The following HDGFL3 variants were observed in gnomAD, a reference collection of about 807,000 sequenced individuals.
HDGFL3 encodes the protein hepatoma-derived growth factor-related protein 3.
Under a neutral mutation model 27.6 loss-of-function variants are expected in HDGFL3, and 6 were observed. The observed-to-expected ratio is 0.22, with a 90% CI of 0.12 to 0.43. The LOEUF (loss-of-function observed/expected upper bound fraction) is 0.43, where lower values mean the gene tolerates loss of function less well. HDGFL3 is among the 20% of genes least tolerant of loss of function. The pLI is 1.00. For synonymous variants in HDGFL3, 88 were observed against 88.9 expected (o/e 0.99, Z 0.05); for missense variants, 207 against 250.1 (o/e 0.83, Z 1.16).
At position 83,133,583 on chromosome 15, in the gene HDGFL3, T is replaced by A. The variant is rs2036405234; in HGVS notation, c.*5687A>T. 1 of 152,224 alleles carries A rather than the reference T, an allele frequency of 6.6e-6. No homozygotes were observed. Among genetic ancestry groups the A allele is most frequent in the African/African-American group, 2.4e-5 (1 of 41,456 alleles). The allele number at this position is 152,224 out of a possible 1,614,324, so 9.4% of individuals were successfully genotyped here. On this transcript the variant is annotated 3_prime_UTR_variant, in exon 6 of 6. Coordinates refer to ENST00000299633, the MANE Select transcript of HDGFL3 (RefSeq NM_016073.4). ...AGGGACTCAACCTCACATTGCTAAATTCTGGAGAAATTTCTAGGATCAACA... is the reference window on the plus strand; with the variant it reads ...AGGGACTCAACCTCACATTGCTAAAATCTGGAGAAATTTCTAGGATCAACA...
intron 3 of HDGFL3, 129 bp downstream of exon 3, chr15:83,157,774 G>T: frequency 1.0e-6 from 1 of 986,530 alleles, no homozygotes; most frequent in Non-Finnish European, 1.6e-6. Context: ...AATCCAAAAT[G>T]CTACTGGAGT....
chr15:83,187,620 G>A (rs2037460797), intron 1 of HDGFL3, among the ~76,000 whole-genome samples: 3 of 152,140 alleles, frequency 2.0e-5, no homozygotes, highest in Admixed American at 1.3e-4. Flanking sequence ...CGGGCGTGGT[G>A]GCTCACGCCT....
rs568073157 is a variant in HDGFL3 at position 83,133,427 on chromosome 15, T to C, written c.*5843A>G. On this transcript the variant is annotated 3_prime_UTR_variant, in exon 6 of 6. Transcript: ENST00000299633. ...ACATGTAAGAAAACAGCTCTTAAAA[T>C]TTAACCTTTGTTCACCTTATTGTCT... 6.6e-6 allele frequency: 1 copy of C among 152,226 alleles called. No homozygotes were observed. The highest frequency in any genetic ancestry group is 1.9e-4 in the East Asian group (1 of 5,200). 9.4% of individuals were successfully genotyped at this position (152,226 alleles called of 1,614,324 possible).
chr15:83,203,358 T>C (rs2037674246), intron 1 of HDGFL3, among the ~76,000 whole-genome samples: 1 of 152,082 alleles, frequency 6.6e-6, no homozygotes, highest in Admixed American at 6.5e-5. Flanking sequence ...ACACTATTAA[T>C]AGTATTCTTA....
chr15:83,115,997 C>G, intron 3 of HDGFL3: 1 of 1,321,932 alleles, frequency 7.6e-7, no homozygotes, highest in Non-Finnish European at 1.1e-6. Context: ...CAACCCAGAT[C>G]ACATTACTCA....
intron 3 of HDGFL3, 69 bp downstream of exon 3, chr15:83,157,834 G>T: frequency 7.1e-7 from 1 of 1,415,748 alleles, no homozygotes; most frequent in South Asian, 1.2e-5. Context: ...GGACATATAA[G>T]AAAGATTTGA....
At chr15:83,140,900 G>C (rs1180616779) in intron 5 of HDGFL3, among the ~76,000 whole-genome samples, 1 of 152,048 alleles carries the variant, frequency 6.6e-6, no homozygotes, top group South Asian at 2.1e-4. Flanking sequence ...AATATTTTTG[G>C]AACAGGTGGT....
chr15:83,136,336 T>C lies in HDGFL3; in HGVS notation c.*2934A>G. On this transcript the variant is annotated 3_prime_UTR_variant, in exon 6 of 6. Transcript: ENST00000299633. ...TGAAAGACTCTGACATTAAAGACTC[T>C]GGATTGTTTGAAGGTATTTTGCCTG... The C allele has an allele frequency of 7.5e-6, 4 of 534,658 alleles. No homozygotes were observed. Among genetic ancestry groups the C allele is most frequent in the Non-Finnish European group, 9.6e-6 (3 of 312,480 alleles). 33.1% of individuals were successfully genotyped at this position (534,658 alleles called of 1,614,324 possible).
intron 1 of HDGFL3, chr15:83,169,364 G>A (rs542058223): frequency 7.5e-5 from 16 of 213,398 alleles, no homozygotes; most frequent in Middle Eastern, 8.9e-4. Flanking sequence ...GCAGTGAGCC[G>A]AGATCGCGCC....
chr15:83,168,841 A>C (rs1041724908), intron 1 of HDGFL3, among the ~76,000 whole-genome samples: 22 of 152,218 alleles, frequency 1.4e-4, no homozygotes, highest in African/African-American at 5.3e-4. Context: ...ACTACAGGCC[A>C]ATATCCCTGA....
rs2073477654 is a variant in HDGFL3 at position 83,206,698 on chromosome 15, G to A, written c.84+633C>T. 2.6e-5 allele frequency among the ~76,000 whole-genome samples: 4 copies of A among 152,230 alleles called. No homozygotes were observed. In the South Asian group the frequency reaches 8.3e-4, roughly 32 times the overall value. ...GTCAGAGGTAGGCTGCAAGCTCTCG[G>A]CTATCAGAGGTCGGTTTAAAAGAAC... On this transcript the variant is annotated intron_variant, in intron 1 of 5. Transcript: ENST00000299633.
intron 1 of HDGFL3, among the ~76,000 whole-genome samples, chr15:83,197,185 G>GT (rs2037580839): frequency 6.6e-6 from 1 of 152,222 alleles, no homozygotes; most frequent in Admixed American, 6.5e-5. Flanking sequence ...ATAAGATAGG[G>GT]TCAGTGCTGA....
At chr15:83,193,685 C>G (rs867020578) in intron 1 of HDGFL3, among the ~76,000 whole-genome samples, 3 of 152,220 alleles carry the variant, frequency 2.0e-5, no homozygotes, top group Non-Finnish European at 2.9e-5. Flanking sequence ...AGCACAACAT[C>G]TGGAAGTTAT....
At chr15:83,161,262 C>A (rs191265101) in intron 2 of HDGFL3, among the ~76,000 whole-genome samples, 1 of 152,230 alleles carries the variant, frequency 6.6e-6, no homozygotes, top group East Asian at 1.9e-4. Flanking sequence ...CTTTGGCTTC[C>A]AGGCTCAAGT....
At chr15:83,145,071 G>A (rs1441873950) in intron 5 of HDGFL3, among the ~76,000 whole-genome samples, 1 of 151,648 alleles carries the variant, frequency 6.6e-6, no homozygotes, top group Non-Finnish European at 1.5e-5. Flanking sequence ...GGAGCAAAAA[G>A]GGACCCTCGT....
chr15:83,134,657 C>T lies in HDGFL3; in HGVS notation c.*4613G>A, dbSNP rs1416969948. On this transcript the variant is annotated 3_prime_UTR_variant, in exon 6 of 6. Coordinates refer to ENST00000299633, the MANE Select transcript of HDGFL3 (RefSeq NM_016073.4). ...TCCCCTATGCAAGTAGGCACAACTG[C>T]TCATATTTATTCTCTCAAAGTATGG... 6.6e-6 allele frequency: 1 copy of T among 152,242 alleles called. No individual in the cohort carries two copies. Among genetic ancestry groups the T allele is most frequent in the Non-Finnish European group, 1.5e-5 (1 of 68,070 alleles). The allele number at this position is 152,242 out of a possible 1,614,324, so 9.4% of individuals were successfully genotyped here.
At chr15:83,155,286 A>AT (rs1285498539) in intron 4 of HDGFL3, among the ~76,000 whole-genome samples, 1 of 152,254 alleles carries the variant, frequency 6.6e-6, no homozygotes, top group Non-Finnish European at 1.5e-5. Context: ...TCTGCTTTAA[A>AT]TTTTAAGTCC....
chr15:83,154,086 G>A (rs553905703), intron 4 of HDGFL3, among the ~76,000 whole-genome samples: 5 of 151,986 alleles, frequency 3.3e-5, no homozygotes, highest in East Asian at 3.9e-4. Context: ...AGGTTGAGGC[G>A]GGCAGACTGT....
rs2036283430 is a variant in HDGFL3, at chr15:83,131,945, C to T, written c.*7325G>A. 6.6e-6 allele frequency: 1 copy of T among 152,036 alleles called. No individual in the cohort carries two copies. Among genetic ancestry groups the T allele is most frequent in the Non-Finnish European group, 1.5e-5 (1 of 67,990 alleles). The allele number at this position is 152,036 out of a possible 1,614,324, so 9.4% of individuals were successfully genotyped here. A position where few individuals can be genotyped will look rare whatever the true frequency, so the allele number is the denominator to read the frequency against. On this transcript the variant is annotated 3_prime_UTR_variant, in exon 6 of 6. Coordinates refer to ENST00000299633, the MANE Select transcript of HDGFL3 (RefSeq NM_016073.4). ...TGAAGCATTTTCTCTGCTAAAATATCAATGAAAATGAAAAAAAGCCAAAGC... is the reference window on the plus strand; with the variant it reads ...TGAAGCATTTTCTCTGCTAAAATATTAATGAAAATGAAAAAAAGCCAAAGC...
Sources: allele counts gnomAD v4.1 joint callset (sites outside exome capture counted in the v4.1 genomes callset), GRCh38; gene constraint gnomAD v4.1.1; transcripts MANE v1.5; gene names NCBI Gene and HGNC (gene_info 2026-07-23, HGNC 2026-07-21).